The following SMTNL1 variants were observed in gnomAD, a reference collection of about 807,000 sequenced individuals.
SMTNL1 encodes smoothelin-like protein 1.
In SMTNL1, 41 loss-of-function variants were observed where a neutral mutation model predicts 46.6. That is an observed-to-expected ratio of 0.88 (90% CI 0.69 to 1.14). SMTNL1 has a LOEUF of 1.14. Among genes scored for constraint, SMTNL1 ranks in the 50% most tolerant of loss-of-function variants. The pLI is 0.00. For missense variants in SMTNL1, 591 were observed against 626.1 expected, an observed-to-expected ratio of 0.94 and a Z score of 0.60; for synonymous variants, 234 against 234.2, an observed-to-expected ratio of 1.00 and a Z score of 0.01.
At position 57,544,030 on chromosome 11, in the gene SMTNL1, C is replaced by T. The variant is rs79627175; in HGVS notation, c.917+110C>T. The T allele has an allele frequency of 3.1e-3, 3,615 of 1,164,002 alleles. 100 individuals carry two copies. The African/African-American group carries it at 0.048, about 16-fold the overall frequency. The allele number at this position is 1,164,002 out of a possible 1,614,324, so 72.1% of individuals were successfully genotyped here. Reference sequence around the variant, plus strand: ...CCCCAGCACCTGATTTCAAGATATTCGAGGATTCCTGGCATTCAGCTTCCT... The same window carrying T: ...CCCCAGCACCTGATTTCAAGATATTTGAGGATTCCTGGCATTCAGCTTCCT... On this transcript the variant is annotated intron_variant, in intron 4 of 7. Coordinates refer to ENST00000527972, the MANE Select transcript of SMTNL1 (RefSeq NM_001105565.3).
intron 1 of SMTNL1, among the ~76,000 whole-genome samples, chr11:57,538,239 G>GATGACAGA: frequency 6.6e-6 from 1 of 152,284 alleles, no homozygotes. Context: ...AGGACAACCA[G>GATGACAGA]ATGACAGATG....
At chr11:57,546,811 G>C (rs552146792) in intron 7 of SMTNL1, among the ~76,000 whole-genome samples, 159 bp downstream of exon 7, 1 of 152,168 alleles carries the variant, frequency 6.6e-6, no homozygotes, top group African/African-American at 2.4e-5. Flanking sequence ...CAGGCCCTGG[G>C]GATACAGCAG....
intron 7 of SMTNL1, 67 bp downstream of exon 7, chr11:57,546,719 T>G: frequency 6.4e-7 from 1 of 1,550,648 alleles, no homozygotes; most frequent in Non-Finnish European, 8.7e-7. Context: ...TCACAGGGGT[T>G]GAGTAGTGAG....
At chr11:57,540,889 G>A (rs1798165) in intron 1 of SMTNL1, among the ~76,000 whole-genome samples, 51 of 151,964 alleles carry the variant, frequency 3.4e-4, no homozygotes, top group Admixed American at 2.9e-3. Context: ...TTTTGTATTT[G>A]TAGTAGAGAT....
chr11:57,540,264 A>G (rs1303267487), intron 1 of SMTNL1, among the ~76,000 whole-genome samples: 1 of 151,982 alleles, frequency 6.6e-6, no homozygotes, highest in Non-Finnish European at 1.5e-5. Flanking sequence ...GTTTTGTTTA[A>G]TTTTATTTTC....
intron 4 of SMTNL1, 88 bp from the exon 5 acceptor site, chr11:57,545,793 A>G (rs2135265469): frequency 5.1e-5 from 46 of 902,038 alleles, no homozygotes; most frequent in Non-Finnish European, 7.3e-5. Flanking sequence ...CTGCAGTGCC[A>G]CCCACCCTCC....
rs747563401 is a variant in SMTNL1 at position 57,543,173 on chromosome 11, G to C, written c.531G>C (p.Glu177Asp). ...EEEDAKTASQEETGQRKECST... is the reference protein window; with the variant it reads ...EEEDAKTASQDETGQRKECST... The stretch of plus-strand genomic sequence containing the variant: ...AGGACGCCAAGACAGCCTCTCAGGA[G>C]GAGACAGGCCAGAGGAAAGAGTGCA... Residue 177 changes from glutamate (E) to aspartate (D), a missense_variant, in exon 2 of 8, where the codon GAG becomes GAC. By Grantham distance (45) the Glu-to-Asp change is conservative. Coordinates refer to ENST00000527972, the MANE Select transcript of SMTNL1 (RefSeq NM_001105565.3). 6.2e-7 allele frequency: 1 copy of C among 1,613,706 alleles called. No individual in the cohort carries two copies. The highest frequency in any genetic ancestry group is 1.3e-5 in the African/African-American group (1 of 74,944).
chr11:57,544,567 C>T (rs1244411420), intron 4 of SMTNL1, among the ~76,000 whole-genome samples: 4 of 152,272 alleles, frequency 2.6e-5, no homozygotes, highest in Non-Finnish European at 4.4e-5. Flanking sequence ...TCAGAAAGCC[C>T]GAGTTGGGAC....
chr11:57,549,845 C>G, intron 7 of SMTNL1, 123 bp from the exon 8 acceptor site: 1 of 1,026,088 alleles, frequency 9.7e-7, no homozygotes, highest in Non-Finnish European at 1.4e-6. Context: ...AGATGATCTC[C>G]CAGCCCCAAC....
chr11:57,542,111 AAAACACAC>A (rs1430922865), intron 1 of SMTNL1, among the ~76,000 whole-genome samples: 1 of 87,918 alleles, frequency 1.1e-5, no homozygotes, highest in Non-Finnish European at 2.4e-5. Flanking sequence ...CTACAAAAAA[AAAACACAC>A]ACACACACAC....
intron 7 of SMTNL1, among the ~76,000 whole-genome samples, chr11:57,547,767 A>C (rs914042870): frequency 6.6e-6 from 1 of 152,186 alleles, no homozygotes; most frequent in African/African-American, 2.4e-5. Flanking sequence ...GGGGCACTGC[A>C]TTGGTTGCAG....
Position 57,543,752 on chromosome 11 carries a change from CA to C in SMTNL1, c.862del (p.Thr288GlnfsTer9). 1 of 1,559,400 alleles carries C rather than the reference CA, an allele frequency of 6.4e-7. No homozygotes were observed. Among genetic ancestry groups the C allele is most frequent in the Non-Finnish European group, 8.7e-7 (1 of 1,151,566 alleles). On this transcript the variant is annotated frameshift_variant, in exon 3 of 8. Coordinates refer to ENST00000527972, the MANE Select transcript of SMTNL1 (RefSeq NM_001105565.3). LOFTEE classifies it high-confidence loss of function. ...CCACTGGGGAGGGGCACAACCTCAG[CA>C]CAGGTGAGTGAGAGCCCAGAGCCCA... Reference protein sequence around the residue: ...SPTGEGHNLSTDGLGPDCVAS... With the variant: ...SPTGEGHNLSXDGLGPDCVAS...
Position 57,543,339 on chromosome 11 carries a change from G to GGTGCAAAAGAGGAGGCTA in SMTNL1, c.697_698insGTGCAAAAGAGGAGGCTA (p.Asp233delinsGlyAlaLysGluGluAlaAsn), listed in dbSNP as rs746459777. 2.5e-6 allele frequency: 4 copies of GGTGCAAAAGAGGAGGCTA among 1,613,836 alleles called. No homozygotes were observed. In the African/African-American group the frequency reaches 5.3e-5, roughly 22 times the overall value. On this transcript the variant is annotated protein_altering_variant, in exon 2 of 8. Transcript: ENST00000527972. ...CAAACATGGTGCAAAAGAGGAGGCT[G>GGTGCAAAAGAGGAGGCTA]ATGCAAAAGAGGAGGCGGAGGATGC...
At position 57,542,695 on chromosome 11, in the gene SMTNL1, C is replaced by G. The variant is rs1450232686; in HGVS notation, c.53C>G (p.Ala18Gly). Residue 18 changes from alanine to glycine, a missense_variant, in exon 2 of 8, where the codon GCT (alanine) becomes GGT (glycine). Transcript: ENST00000527972. ...GAGGATGGGACCACCGTCTCCCCAGCTGCGGACAACCCTGAGATGTCAGGA... is the reference window on the plus strand; with the variant it reads ...GAGGATGGGACCACCGTCTCCCCAGGTGCGGACAACCCTGAGATGTCAGGA... ...LSEDGTTVSP[A>G]ADNPEMSGGG... 9 of 1,613,772 alleles carry G rather than the reference C, an allele frequency of 5.6e-6. No homozygotes were observed. The East Asian group carries it at 2.0e-4, about 36-fold the overall frequency.
At chr11:57,542,143 C>CACACAA (rs1554989113) in intron 1 of SMTNL1, among the ~76,000 whole-genome samples, 4 of 148,816 alleles carry the variant, frequency 2.7e-5, no homozygotes, top group African/African-American at 7.5e-5. Context: ...CACACACACA[C>CACACAA]AAAAATTAGC....
At position 57,546,492 on chromosome 11, in the gene SMTNL1, C is replaced by A. The variant is rs1262642732; in HGVS notation, c.1189-9C>A. Reference sequence around the variant, plus strand: ...CACTGAGGCCTCCTCTGTGCCCTGCCTGCCATAGCATGTGGACATCCAGAA... The same window carrying A: ...CACTGAGGCCTCCTCTGTGCCCTGCATGCCATAGCATGTGGACATCCAGAA... On this transcript the variant is annotated splice_polypyrimidine_tract_variant and intron_variant, in intron 6 of 7. Coordinates refer to ENST00000527972, the MANE Select transcript of SMTNL1 (RefSeq NM_001105565.3). The A allele has an allele frequency of 5.8e-5, 93 of 1,613,932 alleles. No homozygotes were observed. The highest frequency in any genetic ancestry group is 7.6e-5 in the Non-Finnish European group (90 of 1,179,970).
At position 57,543,244 on chromosome 11, in the gene SMTNL1, A is replaced by C; in HGVS notation, c.602A>C (p.Glu201Ala). The C allele has an allele frequency of 1.2e-6, 2 of 1,613,980 alleles. No individual in the cohort carries two copies. The highest frequency in any genetic ancestry group is 1.7e-6 in the Non-Finnish European group (2 of 1,179,890). Residue 201 changes from glutamate to alanine, a missense_variant, in exon 2 of 8, where the codon GAA (glutamate) becomes GCA (alanine). By Grantham distance (107) the Glu-to-Ala change is moderately radical. Coordinates refer to ENST00000527972, the MANE Select transcript of SMTNL1 (RefSeq NM_001105565.3). ...GCTACTGATGAAGAGGCCAAGGCTG[A>C]ATCGCAGAAGGCTGTTGTGGAGGAT... ...EKATDEEAKA[E>A]SQKAVVEDEA... is the part of the protein sequence containing the mutation.
intron 1 of SMTNL1, among the ~76,000 whole-genome samples, chr11:57,538,980 A>C (rs1345055359): frequency 6.6e-6 from 1 of 152,106 alleles, no homozygotes; most frequent in East Asian, 1.9e-4. Flanking sequence ...AGGATAGCCG[A>C]GGTGTGTGTC....
At chr11:57,546,889 C>T (rs1238842744) in intron 7 of SMTNL1, among the ~76,000 whole-genome samples, 1 of 152,130 alleles carries the variant, frequency 6.6e-6, no homozygotes, top group Non-Finnish European at 1.5e-5. Context: ...TCCCAGCACT[C>T]TGGGAGGCCG....
Sources: allele counts gnomAD v4.1 joint callset (sites outside exome capture counted in the v4.1 genomes callset), GRCh38; gene constraint gnomAD v4.1.1; transcripts MANE v1.5; gene names NCBI Gene and HGNC (gene_info 2026-07-23, HGNC 2026-07-21).